The following NAA50 variants were observed in gnomAD, a reference collection of about 807,000 sequenced individuals.
NAA50 encodes the protein N-alpha-acetyltransferase 50.
Under a neutral mutation model 20.7 loss-of-function variants are expected in NAA50, and 7 were observed. The ratio of observed to expected loss-of-function variants is 0.34; its 90% CI spans 0.19 to 0.63. NAA50 has a LOEUF of 0.63. NAA50 is among the 30% of genes least tolerant of loss of function. NAA50 has a pLI of 0.75. For synonymous variants in NAA50, 54 were observed against 70.6 expected (o/e 0.77, Z 1.18); for missense variants, 111 against 199.1 (o/e 0.56, Z 2.66).
chr3:113,728,426 T>C (rs1329650642), intron 1 of NAA50, among the ~76,000 whole-genome samples: 1 of 152,216 alleles, frequency 6.6e-6, no homozygotes, highest in African/African-American at 2.4e-5. Flanking sequence ...TGTATGTACA[T>C]ATAGTACAAA....
intron 1 of NAA50, chr3:113,740,814 CAAAT>C: frequency 5.0e-6 from 1 of 199,660 alleles, no homozygotes; most frequent in Non-Finnish European, 1.1e-5. Flanking sequence ...TTTGGTAAAA[CAAAT>C]TAACAGTACC....
At chr3:113,741,213 A>G in intron 1 of NAA50, 6 of 475,426 alleles carry the variant, frequency 1.3e-5, no homozygotes, top group South Asian at 1.1e-4. Context: ...TCAGCTGCCC[A>G]GCATTCCTGC....
At chr3:113,730,746 G>A (rs1174807398) in intron 1 of NAA50, among the ~76,000 whole-genome samples, 4 of 152,142 alleles carry the variant, frequency 2.6e-5, no homozygotes, top group African/African-American at 4.8e-5. Flanking sequence ...GACTCACCCC[G>A]GTGTTGTGCA....
intron 1 of NAA50, among the ~76,000 whole-genome samples, chr3:113,730,669 T>C (rs1262513734): frequency 6.6e-6 from 1 of 152,224 alleles, no homozygotes; most frequent in East Asian, 1.9e-4. Flanking sequence ...TTCAAGAATG[T>C]CACATAAATG....
intron 3 of NAA50, 63 bp from the exon 4 acceptor site, chr3:113,723,035 T>C: frequency 1.4e-6 from 2 of 1,455,130 alleles, no homozygotes; most frequent in South Asian, 2.7e-5. Flanking sequence ...TATGTATCTA[T>C]CCACTTGCCA....
At chr3:113,740,436 G>A (rs572587758) in intron 1 of NAA50, among the ~76,000 whole-genome samples, 5 of 152,104 alleles carry the variant, frequency 3.3e-5, no homozygotes, top group East Asian at 3.9e-4. Flanking sequence ...ATCATGCCTC[G>A]ATGCAGTGCA....
At chr3:113,740,503 A>C (rs1220787900) in intron 1 of NAA50, among the ~76,000 whole-genome samples, 1 of 149,240 alleles carries the variant, frequency 6.7e-6, no homozygotes, top group African/African-American at 2.5e-5. Context: ...AGTAGCTGGG[A>C]CTACAGGCAC....
intron 1 of NAA50, among the ~76,000 whole-genome samples, chr3:113,737,944 C>T (rs531809005): frequency 6.6e-6 from 1 of 152,206 alleles, no homozygotes; most frequent in Admixed American, 6.5e-5. Flanking sequence ...GTAGCTCAGG[C>T]CTGTAATCCC....
chr3:113,738,381 C>T (rs763011588), intron 1 of NAA50, among the ~76,000 whole-genome samples: 9 of 152,252 alleles, frequency 5.9e-5, no homozygotes, highest in Non-Finnish European at 1.3e-4. Context: ...TCAAATTCAA[C>T]ACATCCAAAA....
intron 4 of NAA50, 119 bp from the exon 5 acceptor site, chr3:113,722,056 A>G (rs1054023058): frequency 8.6e-6 from 8 of 926,344 alleles, no homozygotes; most frequent in Non-Finnish European, 1.3e-5. Flanking sequence ...CCAGTAATCA[A>G]CAAGGGTTAG....
chr3:113,739,123 TA>T (rs1339695718), intron 1 of NAA50, among the ~76,000 whole-genome samples: 3 of 152,202 alleles, frequency 2.0e-5, no homozygotes, highest in Non-Finnish European at 4.4e-5. Flanking sequence ...ATCAGCAAAG[TA>T]AAAGTAGAGT....
At chr3:113,730,390 T>C (rs959273850) in intron 1 of NAA50, among the ~76,000 whole-genome samples, 3 of 152,072 alleles carry the variant, frequency 2.0e-5, no homozygotes, top group African/African-American at 7.2e-5. Flanking sequence ...TATTAACTGT[T>C]CTTCATTTTC....
Position 113,721,597 on chromosome 3 carries a change from T to C in NAA50, c.*163A>G. 1.4e-6 allele frequency: 1 copy of C among 717,572 alleles called. No homozygotes were observed. Among genetic ancestry groups the C allele is most frequent in the South Asian group, 1.8e-5 (1 of 54,278 alleles). 44.5% of individuals were successfully genotyped at this position (717,572 alleles called of 1,614,324 possible). On this transcript the variant is annotated 3_prime_UTR_variant, in exon 5 of 5. Transcript: ENST00000240922. Reference sequence around the variant, plus strand: ...AAACATGATTATTTTTTTAAAGTCCTTGAAAGTATTAAAACTCTCAGAGAA... The same window carrying C: ...AAACATGATTATTTTTTTAAAGTCCCTGAAAGTATTAAAACTCTCAGAGAA...
At position 113,728,249 on chromosome 3, in the gene NAA50, T is replaced by C. The variant is rs561661293; in HGVS notation, c.9-4154A>G. ...AACCTAATGGAGATTTAAAAAATTC[T>C]GTCAATCTAAATTTTTCTAAAGTTC... On this transcript the variant is annotated intron_variant, in intron 1 of 4. Coordinates refer to ENST00000240922, the MANE Select transcript of NAA50 (RefSeq NM_025146.4). Among the ~76,000 whole-genome samples the C allele has an allele frequency of 2.5e-4, 38 of 152,336 alleles. 1 individual carries two copies. Among genetic ancestry groups the C allele is most frequent in the Admixed American group, 1.8e-3 (27 of 15,300 alleles).
At position 113,723,449 on chromosome 3, in the gene NAA50, G is replaced by A. The variant is rs908732339; in HGVS notation, c.238C>T (p.Leu80=). The change falls in exon 3 of 5, where the codon CTG becomes TTG. Residue 80 remains leucine, a synonymous_variant. Coordinates refer to ENST00000240922, the MANE Select transcript of NAA50 (RefSeq NM_025146.4). ...ATTCCTAGCCTTCGGTAAGGTGCCA[G>A]ACATCCTAGTGTCATGATGTAAAGT... ...KRLYIMTLGC[L]APYRRLGIGT... is the part of the protein sequence containing the mutation. The A allele has an allele frequency of 1.2e-6, 2 of 1,612,300 alleles. No individual in the cohort carries two copies. Among genetic ancestry groups the A allele is most frequent in the Non-Finnish European group, 1.7e-6 (2 of 1,179,004 alleles).
At chr3:113,743,348 T>A (rs1013101483) in intron 1 of NAA50, among the ~76,000 whole-genome samples, 1 of 152,198 alleles carries the variant, frequency 6.6e-6, no homozygotes, top group African/African-American at 2.4e-5. Context: ...CAATATACAA[T>A]AGAATACTTA....
chr3:113,743,039 A>G (rs544757447), intron 1 of NAA50, among the ~76,000 whole-genome samples: 1 of 152,216 alleles, frequency 6.6e-6, no homozygotes, highest in African/African-American at 2.4e-5. Flanking sequence ...CTCAAAAGTA[A>G]GCAACATTTC....
intron 1 of NAA50, among the ~76,000 whole-genome samples, chr3:113,734,609 A>G (rs1006788299): frequency 2.6e-5 from 4 of 152,246 alleles, no homozygotes; most frequent in African/African-American, 4.8e-5. Flanking sequence ...ATTTCTTACT[A>G]TATGAACAAG....
At chr3:113,723,059 T>C (rs1708156926) in intron 3 of NAA50, 87 bp from the exon 4 acceptor site, 5 of 1,410,026 alleles carry the variant, frequency 3.5e-6, no homozygotes, top group Non-Finnish European at 3.7e-6. Flanking sequence ...GAACTACTTA[T>C]TGAGTCCTAA....
Sources: allele counts gnomAD v4.1 joint callset (sites outside exome capture counted in the v4.1 genomes callset), GRCh38; gene constraint gnomAD v4.1.1; transcripts MANE v1.5; gene names NCBI Gene and HGNC (gene_info 2026-07-23, HGNC 2026-07-21).